The following DCC variants were observed in gnomAD, a reference collection of about 807,000 sequenced individuals.
The protein encoded by DCC is netrin receptor DCC.
DCC carries 58 observed loss-of-function variants against 172.5 expected under a neutral mutation model. The ratio of observed to expected loss-of-function variants is 0.34; its 90% CI spans 0.27 to 0.42. DCC has a LOEUF of 0.42. Among genes scored for constraint, DCC ranks in the 10% least tolerant of loss-of-function variants. The probability of loss-of-function intolerance (pLI) is 1.00; values close to 1 mark genes in which losing one functional copy is unlikely to be tolerated. For synonymous variants in DCC, 709 were observed against 644.5 expected (o/e 1.10, Z -1.52); for missense variants, 1,740 against 1,791.0 (o/e 0.97, Z 0.51).
At chr18:52,440,622 T>G (rs1987943861) in intron 1 of DCC, among the ~76,000 whole-genome samples, 1 of 152,200 alleles carries the variant, frequency 6.6e-6, no homozygotes, top group South Asian at 2.1e-4. Context: ...ATTTTATTTC[T>G]TAAACGTAAG....
chr18:52,443,500 TAA>T (rs1423592323), intron 1 of DCC, among the ~76,000 whole-genome samples: 1 of 152,208 alleles, frequency 6.6e-6, no homozygotes, highest in Non-Finnish European at 1.5e-5. Flanking sequence ...CTCTGCTCGA[TAA>T]AGACTCTCCT....
intron 5 of DCC, among the ~76,000 whole-genome samples, chr18:52,972,852 C>T (rs569329364): frequency 1.3e-5 from 2 of 152,262 alleles, no homozygotes; most frequent in East Asian, 3.9e-4. Flanking sequence ...CTTTACATTA[C>T]CCTCAGAGAC....
chr18:52,926,983 G>GGATATATATACACATATATATA (rs2040217105), intron 5 of DCC, among the ~76,000 whole-genome samples: 1 of 137,898 alleles, frequency 7.3e-6, no homozygotes, highest in African/African-American at 2.6e-5. Context: ...ACATATATAT[G>GGATATATATACACATATATATA]GATATATATT....
intron 7 of DCC, among the ~76,000 whole-genome samples, chr18:53,088,921 AT>A (rs2042961851): frequency 6.6e-6 from 1 of 152,216 alleles, no homozygotes; most frequent in Non-Finnish European, 1.5e-5. Context: ...CACTTGATTG[AT>A]AAGTTTGTGA....
intron 27 of DCC, among the ~76,000 whole-genome samples, chr18:53,523,649 AAC>A (rs1256208193): frequency 2.0e-5 from 3 of 152,178 alleles, no homozygotes; most frequent in African/African-American, 7.2e-5. Flanking sequence ...TCAGCAAACT[AAC>A]ACAAGAACAG....
At chr18:52,467,299 T>TC (rs2144552578) in intron 1 of DCC, among the ~76,000 whole-genome samples, 1 of 152,236 alleles carries the variant, frequency 6.6e-6, no homozygotes, top group Non-Finnish European at 1.5e-5. Flanking sequence ...ATGTGGTGTT[T>TC]GGTTTTCTGT....
At chr18:52,677,149 T>C (rs1264155058) in intron 1 of DCC, among the ~76,000 whole-genome samples, 1 of 152,310 alleles carries the variant, frequency 6.6e-6, no homozygotes. Flanking sequence ...GCCTTAATTC[T>C]TGTCTCTTAA....
intron 1 of DCC, among the ~76,000 whole-genome samples, chr18:52,402,840 T>G (rs2144379827): frequency 6.6e-6 from 1 of 152,138 alleles, no homozygotes; most frequent in Middle Eastern, 3.4e-3. Flanking sequence ...TGAATGTTAA[T>G]CCTGAATGCT....
intron 2 of DCC, among the ~76,000 whole-genome samples, chr18:52,807,384 G>T (rs2038107908): frequency 6.6e-6 from 1 of 152,142 alleles, no homozygotes. Flanking sequence ...GAACTGTATG[G>T]TTCACTGCAA....
chr18:52,751,668 T>A (rs78932761), intron 1 of DCC, among the ~76,000 whole-genome samples: 10,002 of 152,238 alleles, frequency 0.066, 1,102 homozygotes, highest in African/African-American at 0.23. Flanking sequence ...GAGATAGAAA[T>A]AGTCTCCCCA....
chr18:53,180,155 C>G (rs564978662), intron 9 of DCC, among the ~76,000 whole-genome samples: 1 of 152,050 alleles, frequency 6.6e-6, no homozygotes, highest in African/African-American at 2.4e-5. Context: ...ATCAGCAAGT[C>G]GAAGAAGAGA....
chr18:52,916,254 A>G (rs1568184990), intron 3 of DCC, among the ~76,000 whole-genome samples: 1 of 151,398 alleles, frequency 6.6e-6, no homozygotes, highest in South Asian at 2.1e-4. Flanking sequence ...ACTTGAAAGG[A>G]CAGTCAATAG....
intron 2 of DCC, among the ~76,000 whole-genome samples, chr18:52,790,415 T>C (rs1204043286): frequency 1.3e-5 from 2 of 152,294 alleles, no homozygotes; most frequent in African/African-American, 2.4e-5. Context: ...TTACCTCTTT[T>C]ACCAGTTTGC....
At chr18:52,839,925 A>C (rs2038775069) in intron 2 of DCC, among the ~76,000 whole-genome samples, 1 of 152,224 alleles carries the variant, frequency 6.6e-6, no homozygotes, top group Admixed American at 6.5e-5. Flanking sequence ...CTTTAAATAA[A>C]ACATAGTTCA....
chr18:53,036,982 G>A (rs1259487365), intron 5 of DCC, among the ~76,000 whole-genome samples: 1 of 151,962 alleles, frequency 6.6e-6, no homozygotes, highest in Non-Finnish European at 1.5e-5. Context: ...CAAGCAGGTA[G>A]TAGAGCAGGA....
At chr18:52,611,048 G>A (rs775023800) in intron 1 of DCC, among the ~76,000 whole-genome samples, 2 of 151,978 alleles carry the variant, frequency 1.3e-5, no homozygotes, top group Admixed American at 6.6e-5. Context: ...AATAAATAGT[G>A]GTAAAATGTT....
At chr18:52,768,999 T>C (rs117346962) in intron 2 of DCC, among the ~76,000 whole-genome samples, 5,208 of 150,106 alleles carry the variant, frequency 0.035, 127 homozygotes, top group Admixed American at 0.049. Context: ...ATGTGGGTTG[T>C]CTAGGAAAAA....
chr18:52,522,899 T>TA (rs1275004547), intron 1 of DCC, among the ~76,000 whole-genome samples: 5 of 152,168 alleles, frequency 3.3e-5, no homozygotes, highest in African/African-American at 1.2e-4. Flanking sequence ...TGCAGATCTG[T>TA]AAGAGTGGTA....
At chr18:53,096,920 A>T (rs1176428385) in intron 7 of DCC, among the ~76,000 whole-genome samples, 5 of 152,200 alleles carry the variant, frequency 3.3e-5, no homozygotes, top group Non-Finnish European at 1.5e-5. Flanking sequence ...TTTACACAAA[A>T]TACATTCTCA....
Sources: gnomAD v4.1 joint callset for allele counts (sites outside exome capture counted in the v4.1 genomes callset) on GRCh38, gnomAD v4.1.1 for gene constraint, MANE v1.5 for transcripts, NCBI Gene and HGNC (gene_info 2026-07-23, HGNC 2026-07-21) for gene names.